MS4A3: variants seen among roughly 807,000 people sequenced by gnomAD.
The protein encoded by MS4A3 is membrane spanning 4-domains A3.
MS4A3 carries 18 observed loss-of-function variants against 24.7 expected under a neutral mutation model. That is an observed-to-expected ratio of 0.73 (90% CI 0.50 to 1.08). The LOEUF (loss-of-function observed/expected upper bound fraction) is 1.08. Among genes scored for constraint, MS4A3 ranks in the 50% least tolerant of loss-of-function variants. The probability of loss-of-function intolerance (pLI) is 0.00; values close to 1 mark genes in which losing one functional copy is unlikely to be tolerated. For missense variants in MS4A3, 282 were observed against 251.7 expected, an observed-to-expected ratio of 1.12 and a Z score of -0.82; for synonymous variants, 84 against 95.3, an observed-to-expected ratio of 0.88 and a Z score of 0.69.
chr11:60,059,359 C>G (rs555881885), intron 1 of MS4A3, among the ~76,000 whole-genome samples: 4 of 152,040 alleles, frequency 2.6e-5, no homozygotes, highest in Admixed American at 2.6e-4. Context: ...TAATTTGTAA[C>G]AAAGAGTAGA....
chr11:60,064,169 A>G (rs1262461692), intron 3 of MS4A3, 93 bp from the exon 4 acceptor site: 2 of 824,542 alleles, frequency 2.4e-6, no homozygotes, highest in African/African-American at 1.7e-5. Flanking sequence ...TTGTATGACT[A>G]TTGCTGGATA....
intron 5 of MS4A3, 34 bp from the exon 6 acceptor site, chr11:60,069,540 C>T (rs1265978632): frequency 1.4e-6 from 2 of 1,455,730 alleles, no homozygotes; most frequent in Non-Finnish European, 1.9e-6. Context: ...TGGATGTTGC[C>T]ACTGGGTTTG....
At chr11:60,059,922 A>G (rs1015441667) in intron 1 of MS4A3, among the ~76,000 whole-genome samples, 1 of 152,224 alleles carries the variant, frequency 6.6e-6, no homozygotes, top group Non-Finnish European at 1.5e-5. Flanking sequence ...GGCAGAATAC[A>G]GCATCATTTT....
intron 5 of MS4A3, among the ~76,000 whole-genome samples, chr11:60,068,148 G>A (rs993846806): frequency 2.6e-5 from 4 of 151,634 alleles, no homozygotes; most frequent in African/African-American, 7.3e-5. Flanking sequence ...AATCTGGAAT[G>A]TTCAAATAAT....
chr11:60,069,729 G>A, intron 6 of MS4A3, 54 bp downstream of exon 6: 1 of 1,353,326 alleles, frequency 7.4e-7, no homozygotes, highest in South Asian at 1.2e-5. Flanking sequence ...CTCCCTGTAG[G>A]GTTTGAAGTT....
In MS4A3 at chr11:60,069,213, G is replaced by A. The variant is rs933718230; in HGVS notation, c.514-361G>A. ...TGAAGTGCTAATGAAATTGTGGAAG[G>A]GCCATTTTTGTTCATTTTTCTAAAC... On this transcript the variant is annotated intron_variant, in intron 5 of 6. Transcript: ENST00000278865. 9.9e-5 allele frequency among the ~76,000 whole-genome samples: 15 copies of A among 152,100 alleles called. 1 individual carries two copies. The Middle Eastern group carries it at 0.014, about 138-fold the overall frequency.
chr11:60,058,405 G>T (rs1855206198), intron 1 of MS4A3, among the ~76,000 whole-genome samples: 1 of 149,546 alleles, frequency 6.7e-6, no homozygotes, highest in Non-Finnish European at 1.5e-5. Flanking sequence ...TACTTGGGAG[G>T]CTGAGGCAGG....
chr11:60,062,267 C>A lies in MS4A3; in HGVS notation c.157-201C>A, dbSNP rs72916634. On this transcript the variant is annotated intron_variant, in intron 2 of 6. Coordinates refer to ENST00000278865, the MANE Select transcript of MS4A3 (RefSeq NM_006138.5). ...CAGAAATGTGGGGGAGAGGTGAAGACAAAATGCTGCCACTGGAATTGGTGT... is the reference window on the plus strand; with the variant it reads ...CAGAAATGTGGGGGAGAGGTGAAGAAAAAATGCTGCCACTGGAATTGGTGT... Among the ~76,000 whole-genome samples, 179 of 152,126 alleles carry A rather than the reference C, an allele frequency of 1.2e-3. No individual in the cohort carries two copies. The Middle Eastern group carries it at 0.014, about 12-fold the overall frequency.
intron 6 of MS4A3, 22 bp from the exon 7 acceptor site, chr11:60,070,182 T>C: frequency 1.3e-6 from 2 of 1,588,330 alleles, no homozygotes. Context: ...TTCTTGGACA[T>C]TAATGTTGTT....
intron 2 of MS4A3, 37 bp downstream of exon 2, chr11:60,061,353 G>A (rs746152509): frequency 2.5e-6 from 4 of 1,572,868 alleles, no homozygotes; most frequent in African/African-American, 2.7e-5. Context: ...ATTTAAGAGG[G>A]AAGAAAATAA....
Position 60,067,117 on chromosome 11 carries a change from G to A in MS4A3, c.513+5G>A, listed in dbSNP as rs751543512. The stretch of plus-strand genomic sequence containing the variant: ...TACATGGGCTCCATATCAAATGTAT[G>A]TTTCTGAAAAATATGTATAAGTATA... On this transcript the variant is annotated splice_donor_5th_base_variant and intron_variant, in intron 5 of 6. Coordinates refer to ENST00000278865, the MANE Select transcript of MS4A3 (RefSeq NM_006138.5). 1.9e-6 allele frequency: 3 copies of A among 1,580,794 alleles called. No individual in the cohort carries two copies. The African/African-American group carries it at 4.1e-5, about 22-fold the overall frequency.
intron 1 of MS4A3, among the ~76,000 whole-genome samples, chr11:60,057,397 G>T (rs923366843): frequency 3.1e-5 from 1 of 32,568 alleles, no homozygotes; most frequent in Non-Finnish European, 8.0e-5. Context: ...CTCTGATTTT[G>T]TGTGTGTGTG....
rs1319174047 is a variant in MS4A3, at chr11:60,061,259, C to T, written c.99C>T (p.Val33=). 2 of 1,613,820 alleles carry T rather than the reference C, an allele frequency of 1.2e-6. No homozygotes were observed. The highest frequency in any genetic ancestry group is 1.3e-5 in the African/African-American group (1 of 74,902). Residue 33 remains valine (V), a synonymous_variant, in exon 2 of 7, where the codon GTC becomes GTT. Transcript: ENST00000278865. ...EAGPEELNTS[V]YQPIDGSPDY... The stretch of plus-strand genomic sequence containing the variant: ...GACCAGAAGAGCTGAATACTTCTGT[C>T]TACCAGCCCATAGATGGATCACCAG...
At chr11:60,062,777 A>G in intron 3 of MS4A3, 172 bp downstream of exon 3, 1 of 447,210 alleles carries the variant, frequency 2.2e-6, no homozygotes, top group Non-Finnish European at 3.6e-6. Flanking sequence ...TTATTTTTTA[A>G]TTTAATTAAT....
At position 60,071,068 on chromosome 11, in the gene MS4A3, G is replaced by A. The variant is rs757496647; in HGVS notation, c.*835G>A. ...GTGTAATAATAACAACTACTTTGTC[G>A]GTTGCTCTGAGGGTTAAATGAAAAT... On this transcript the variant is annotated 3_prime_UTR_variant, in exon 7 of 7. Coordinates refer to ENST00000278865, the MANE Select transcript of MS4A3 (RefSeq NM_006138.5). The A allele has an allele frequency of 1.1e-4, 16 of 152,250 alleles. No individual in the cohort carries two copies. The highest frequency in any genetic ancestry group is 6.5e-5 in the Admixed American group (1 of 15,296). 9.4% of individuals were successfully genotyped at this position (152,250 alleles called of 1,614,324 possible).
intron 6 of MS4A3, 69 bp from the exon 7 acceptor site, chr11:60,070,135 C>T (rs997476357): frequency 2.8e-5 from 36 of 1,305,744 alleles, no homozygotes; most frequent in Non-Finnish European, 3.7e-5. Flanking sequence ...ATGATGATAA[C>T]AGGAAGGGAT....
intron 3 of MS4A3, 98 bp downstream of exon 3, chr11:60,062,703 G>T: frequency 2.2e-6 from 3 of 1,344,458 alleles, no homozygotes; most frequent in South Asian, 1.8e-5. Flanking sequence ...TTATTGGAAG[G>T]TTGCATGCTG....
Sources: allele counts gnomAD v4.1 joint callset (sites outside exome capture counted in the v4.1 genomes callset), GRCh38; gene constraint gnomAD v4.1.1; transcripts MANE v1.5; gene names NCBI Gene and HGNC (gene_info 2026-07-23, HGNC 2026-07-21).